LRMDA: variants seen among roughly 807,000 people sequenced by gnomAD.
LRMDA encodes the protein leucine-rich melanocyte differentiation-associated protein.
LRMDA carries 18 observed loss-of-function variants against 29.8 expected under a neutral mutation model. The ratio of observed to expected loss-of-function variants is 0.60; its 90% CI spans 0.42 to 0.90. The LOEUF is 0.90. Among genes scored for constraint, LRMDA ranks in the 40% least tolerant of loss-of-function variants. The pLI is 0.00. For missense variants in LRMDA, 273 were observed against 273.9 expected, an observed-to-expected ratio of 1.00 and a Z score of 0.02; for synonymous variants, 125 against 109.4, an observed-to-expected ratio of 1.14 and a Z score of -0.89.
intron 6 of LRMDA, among the ~76,000 whole-genome samples, chr10:76,345,066 T>G (rs1354614075): frequency 1.5e-5 from 2 of 129,786 alleles, no homozygotes; most frequent in Non-Finnish European, 3.3e-5. Context: ...AAACCTTTTT[T>G]TTTTTTTTTT....
At chr10:75,853,725 C>T (rs982418051) in intron 2 of LRMDA, among the ~76,000 whole-genome samples, 20 of 152,108 alleles carry the variant, frequency 1.3e-4, no homozygotes, top group African/African-American at 3.9e-4. Flanking sequence ...TCCTTGAAAC[C>T]AGCCGACTCT....
intron 6 of LRMDA, among the ~76,000 whole-genome samples, chr10:76,503,807 A>G (rs1948335): frequency 0.67 from 100,349 of 149,866 alleles, 35,464 homozygotes; most frequent in Non-Finnish European, 0.81. Context: ...TTTTGCATGG[A>G]TTTTTGCATT....
chr10:75,905,862 T>A (rs1845749382), intron 2 of LRMDA, among the ~76,000 whole-genome samples: 1 of 152,168 alleles, frequency 6.6e-6, no homozygotes, highest in South Asian at 2.1e-4. Flanking sequence ...GTCTAAGGCA[T>A]TCAGCCGAGC....
chr10:75,807,750 G>T (rs1404913029), intron 2 of LRMDA, among the ~76,000 whole-genome samples: 1 of 152,148 alleles, frequency 6.6e-6, no homozygotes, highest in East Asian at 1.9e-4. Flanking sequence ...GGTGTTCTTT[G>T]ATCTGCCGTA....
intron 5 of LRMDA, among the ~76,000 whole-genome samples, chr10:76,262,758 A>T (rs1019085801): frequency 6.6e-6 from 1 of 152,032 alleles, no homozygotes; most frequent in African/African-American, 2.4e-5. Context: ...TTTTTCCCCA[A>T]AGCAAACCCT....
chr10:76,466,388 C>T (rs191422380), intron 6 of LRMDA, among the ~76,000 whole-genome samples: 16 of 152,176 alleles, frequency 1.1e-4, no homozygotes, highest in East Asian at 1.9e-4. Context: ...TTGTGCCCCT[C>T]GTAGGCAGGA....
At chr10:75,921,744 A>C (rs1846027723) in intron 2 of LRMDA, among the ~76,000 whole-genome samples, 1 of 152,242 alleles carries the variant, frequency 6.6e-6, no homozygotes, top group South Asian at 2.1e-4. Context: ...CTTGGTTTAA[A>C]ACCAACCTGA....
rs1204851987 is a variant in LRMDA at position 76,560,082 on chromosome 10, G to GAT, written c.*2795_*2796dup. 6.6e-6 allele frequency: 1 copy of GAT among 152,140 alleles called. No homozygotes were observed. Among genetic ancestry groups the GAT allele is most frequent in the Non-Finnish European group, 1.5e-5 (1 of 68,046 alleles). The allele number at this position is 152,140 out of a possible 1,614,324, so 9.4% of individuals were successfully genotyped here. A position where few individuals can be genotyped will look rare whatever the true frequency, so the allele number is the denominator to read the frequency against. On this transcript the variant is annotated 3_prime_UTR_variant, in exon 7 of 7. Transcript: ENST00000611255. Reference sequence around the variant, plus strand: ...CTTTAAATAGAAGCACATTATAAGAGATTATCACTTGATCAGGCTGCATGT... The same window carrying GAT: ...CTTTAAATAGAAGCACATTATAAGAGATATTATCACTTGATCAGGCTGCATGT...
At chr10:75,780,518 A>G (rs963058689) in intron 2 of LRMDA, among the ~76,000 whole-genome samples, 1 of 152,228 alleles carries the variant, frequency 6.6e-6, no homozygotes, top group African/African-American at 2.4e-5. Flanking sequence ...AGGTCAAAGC[A>G]GGACAGCAAT....
Position 76,043,419 on chromosome 10 carries a change from A to G in LRMDA, c.259-3745A>G, listed in dbSNP as rs527856257. ...CATAATTAAATGTTACTCCTACACA[A>G]TGTACCCTTAGGTGGGGATTCCCAT... On this transcript the variant is annotated intron_variant, in intron 3 of 6. Coordinates refer to ENST00000611255, the MANE Select transcript of LRMDA (RefSeq NM_001305581.2). Among the ~76,000 whole-genome samples, 12 of 152,294 alleles carry G rather than the reference A, an allele frequency of 7.9e-5. No individual in the cohort carries two copies. The South Asian group carries it at 1.5e-3, about 18-fold the overall frequency.
At chr10:75,916,742 AG>A (rs1845941851) in intron 2 of LRMDA, among the ~76,000 whole-genome samples, 1 of 152,224 alleles carries the variant, frequency 6.6e-6, no homozygotes, top group South Asian at 2.1e-4. Context: ...CTCCATCTCC[AG>A]GTGCGAAAAC....
At chr10:75,839,802 A>G (rs1589224662) in intron 2 of LRMDA, among the ~76,000 whole-genome samples, 2 of 137,112 alleles carry the variant, frequency 1.5e-5, no homozygotes, top group African/African-American at 5.7e-5. Context: ...TCTTCCTCCC[A>G]GGTTCGCGCC....
At chr10:76,001,003 C>T (rs1847553291) in intron 2 of LRMDA, among the ~76,000 whole-genome samples, 1 of 152,104 alleles carries the variant, frequency 6.6e-6, no homozygotes, top group Non-Finnish European at 1.5e-5. Flanking sequence ...GTTCTAGGCC[C>T]CGGGGAGGCA....
intron 5 of LRMDA, among the ~76,000 whole-genome samples, chr10:76,274,686 C>G (rs1840109524): frequency 6.6e-6 from 1 of 152,080 alleles, no homozygotes; most frequent in Non-Finnish European, 1.5e-5. Flanking sequence ...TGGAACATCT[C>G]TACTTTTTAT....
chr10:76,112,371 G>C (rs1849594184), intron 5 of LRMDA, among the ~76,000 whole-genome samples: 2 of 152,244 alleles, frequency 1.3e-5, no homozygotes, highest in Admixed American at 1.3e-4. Flanking sequence ...TCTGTGGCCA[G>C]GACGGCGGGG....
rs577490022 is a variant in LRMDA, at chr10:76,110,212, C to T, written c.516+51429C>T. 1.9e-4 allele frequency among the ~76,000 whole-genome samples: 29 copies of T among 152,324 alleles called. No homozygotes were observed. The South Asian group carries it at 2.5e-3, about 13-fold the overall frequency. On this transcript the variant is annotated intron_variant, in intron 5 of 6. Coordinates refer to ENST00000611255, the MANE Select transcript of LRMDA (RefSeq NM_001305581.2). ...CCCCTACAGGTATGCAAGTCAGAAG[C>T]TTGAGTTGGCCGATCTGTTCCACAT... is the stretch of plus-strand genomic sequence containing the variant.
intron 2 of LRMDA, chr10:75,782,864 G>GC (rs1369965893): frequency 1.9e-6 from 3 of 1,556,936 alleles, no homozygotes; most frequent in Non-Finnish European, 2.6e-6. Context: ...TTTTTCCCTT[G>GC]CCCCCAAAGC....
intron 2 of LRMDA, among the ~76,000 whole-genome samples, chr10:75,941,014 G>C (rs1318574197): frequency 6.6e-6 from 1 of 152,156 alleles, no homozygotes; most frequent in African/African-American, 2.4e-5. Flanking sequence ...TTACCACTCT[G>C]AACAGCTAGC....
At chr10:75,518,038 C>T (rs999411144) in intron 2 of LRMDA, among the ~76,000 whole-genome samples, 1 of 152,156 alleles carries the variant, frequency 6.6e-6, no homozygotes, top group African/African-American at 2.4e-5. Context: ...CCTTGCATCC[C>T]AGGGATGAAG....
Sources: allele counts gnomAD v4.1 joint callset (sites outside exome capture counted in the v4.1 genomes callset), GRCh38; gene constraint gnomAD v4.1.1; transcripts MANE v1.5; gene names NCBI Gene and HGNC (gene_info 2026-07-23, HGNC 2026-07-21).